The following DDAH1 variants were observed in gnomAD, a reference collection of about 807,000 sequenced individuals.
The protein encoded by DDAH1 is dimethylarginine dimethylaminohydrolase 1.
A neutral mutation model predicts 28.8 loss-of-function variants in DDAH1; 19 were observed. That is an observed-to-expected ratio of 0.66 (90% CI 0.46 to 0.97). The LOEUF (loss-of-function observed/expected upper bound fraction) is 0.97, where lower values mean the gene tolerates loss of function less well. Ranked by LOEUF, DDAH1 falls within the 50% of genes least tolerant of loss-of-function variation. DDAH1 has a pLI of 0.00. For synonymous variants in DDAH1, 153 were observed against 154.4 expected (o/e 0.99, Z 0.07); for missense variants, 326 against 375.9 (o/e 0.87, Z 1.10).
intron 3 of DDAH1, among the ~76,000 whole-genome samples, chr1:85,351,218 T>C (rs189983567): frequency 5.0e-4 from 76 of 152,240 alleles, no homozygotes; most frequent in African/African-American, 1.8e-3. Flanking sequence ...TTTTAAGTTG[T>C]TGATTGTTCC....
intron 1 of DDAH1, among the ~76,000 whole-genome samples, chr1:85,549,518 T>C (rs1399411739): frequency 6.6e-6 from 1 of 152,218 alleles, no homozygotes; most frequent in Non-Finnish European, 1.5e-5. Context: ...GACCATGAAG[T>C]GGACACGGAA....
intron 2 of DDAH1, among the ~76,000 whole-genome samples, chr1:85,481,108 T>TTTTTTTTTTGAGA (rs1656000370): frequency 6.8e-6 from 1 of 148,096 alleles, no homozygotes; most frequent in Non-Finnish European, 1.5e-5. Flanking sequence ...GTTTTTTTTT[T>TTTTTTTTTTGAGA]TTTTTTTGAG....
intron 1 of DDAH1, among the ~76,000 whole-genome samples, chr1:85,402,892 G>A (rs1001734793): frequency 2.3e-5 from 3 of 129,978 alleles, no homozygotes; most frequent in Non-Finnish European, 3.2e-5. Context: ...CTGGGTGACA[G>A]AGCGAGACTC....
chr1:85,343,664 A>C (rs544216213), intron 4 of DDAH1, among the ~76,000 whole-genome samples: 1 of 152,230 alleles, frequency 6.6e-6, no homozygotes, highest in East Asian at 1.9e-4. Flanking sequence ...CAAAGTCTTT[A>C]TTTTTTCCAT....
At chr1:85,390,043 C>G (rs1220250937) in intron 1 of DDAH1, among the ~76,000 whole-genome samples, 2 of 152,078 alleles carry the variant, frequency 1.3e-5, no homozygotes, top group African/African-American at 2.4e-5. Flanking sequence ...GTTTTTATAT[C>G]TGAAGTCAAA....
At chr1:85,481,239 A>G (rs1351474805) in intron 2 of DDAH1, among the ~76,000 whole-genome samples, 1 of 151,822 alleles carries the variant, frequency 6.6e-6, no homozygotes, top group Non-Finnish European at 1.5e-5. Flanking sequence ...CTGAGATGAC[A>G]GGTGTGTGCC....
chr1:85,514,871 C>T (rs1418341333), intron 1 of DDAH1, among the ~76,000 whole-genome samples: 14 of 152,028 alleles, frequency 9.2e-5, no homozygotes, highest in African/African-American at 3.4e-4. Flanking sequence ...CACCTAGAAT[C>T]AGCTATTTCT....
intron 4 of DDAH1, among the ~76,000 whole-genome samples, chr1:85,342,667 T>A (rs571717623): frequency 6.6e-6 from 1 of 152,352 alleles, no homozygotes; most frequent in South Asian, 2.1e-4. Context: ...TTCTTTACTT[T>A]TACTGCTAAT....
Position 85,319,016 on chromosome 1 carries a change from T to C in DDAH1, c.*2436A>G, listed in dbSNP as rs573591650. The C allele has an allele frequency of 1.2e-4, 18 of 152,374 alleles. No individual in the cohort carries two copies. Among genetic ancestry groups the C allele is most frequent in the African/African-American group, 3.8e-4 (16 of 41,600 alleles). The allele number at this position is 152,374 out of a possible 1,614,324, so 9.4% of individuals were successfully genotyped here. A position where few individuals can be genotyped will look rare whatever the true frequency, so the allele number is the denominator to read the frequency against. ...TTAGTTAAATATAATTTCTCCTGTC[T>C]TTTAATGTCAAAAAGCAGTTTCCGT... On this transcript the variant is annotated 3_prime_UTR_variant, in exon 6 of 6. Transcript: ENST00000284031.
At chr1:85,548,369 T>G (rs972264343) in intron 1 of DDAH1, among the ~76,000 whole-genome samples, 12 of 152,204 alleles carry the variant, frequency 7.9e-5, no homozygotes, top group Admixed American at 7.9e-4. Flanking sequence ...TTTACTGGTA[T>G]AAATAATGGA....
At chr1:85,523,222 G>A (rs1230334310) in intron 1 of DDAH1, among the ~76,000 whole-genome samples, 1 of 152,116 alleles carries the variant, frequency 6.6e-6, no homozygotes, top group Non-Finnish European at 1.5e-5. Flanking sequence ...AGTATGAAAC[G>A]GAAAGTGGAA....
chr1:85,405,634 A>T (rs1355247886), intron 1 of DDAH1, among the ~76,000 whole-genome samples: 1 of 7,026 alleles, frequency 1.4e-4, no homozygotes, highest in East Asian at 2.5e-3. Flanking sequence ...AAAGTGCCCT[A>T]AAAAAAAAAG....
intron 2 of DDAH1, chr1:85,494,908 A>G (rs1228269554): frequency 6.6e-6 from 1 of 152,230 alleles, no homozygotes; most frequent in Non-Finnish European, 1.5e-5. Context: ...CACATCATGA[A>G]GGACTTCAAA....
chr1:85,476,961 A>G (rs2100710873), intron 2 of DDAH1, among the ~76,000 whole-genome samples: 1 of 152,314 alleles, frequency 6.6e-6, no homozygotes, highest in African/African-American at 2.4e-5. Context: ...CTATGAATCA[A>G]ACCATCACTA....
chr1:85,482,863 TAATATAA>T lies in DDAH1; in HGVS notation c.-7+13296_-7+13302del, dbSNP rs1656056111. Among the ~76,000 whole-genome samples, 3 of 152,214 alleles carry T rather than the reference TAATATAA, an allele frequency of 2.0e-5. No homozygotes were observed. In the South Asian group the frequency reaches 6.2e-4, roughly 32 times the overall value. On this transcript the variant is annotated intron_variant, in intron 2 of 6. Transcript: ENST00000426972. ...AAAAATCAATAGGAAATGATTTAAC[TAATATAA>T]AATATAAAAATTTCTTAGGATGAGG... is the stretch of plus-strand genomic sequence containing the variant.
intron 1 of DDAH1, chr1:85,380,283 C>A (rs993115150): frequency 3.3e-5 from 5 of 152,138 alleles, no homozygotes; most frequent in African/African-American, 1.2e-4. Flanking sequence ...TCCGGGTAAA[C>A]ACAGTCAAGT....
chr1:85,482,627 A>G (rs1557679467), intron 2 of DDAH1: 2 of 152,340 alleles, frequency 1.3e-5, no homozygotes, highest in South Asian at 4.1e-4. Flanking sequence ...TACATAGTGC[A>G]TGCTTAACAG....
intron 2 of DDAH1, among the ~76,000 whole-genome samples, chr1:85,478,968 G>T (rs1456473074): frequency 6.6e-6 from 1 of 152,060 alleles, no homozygotes; most frequent in Non-Finnish European, 1.5e-5. Context: ...TAGAAATATG[G>T]TGAAACTAAT....
intron 4 of DDAH1, among the ~76,000 whole-genome samples, chr1:85,333,378 A>G (rs1647900427): frequency 6.6e-6 from 1 of 152,234 alleles, no homozygotes; most frequent in Admixed American, 6.5e-5. Flanking sequence ...TGACTGTTAC[A>G]CCAGATGCAC....
Sources: allele counts gnomAD v4.1 joint callset (sites outside exome capture counted in the v4.1 genomes callset), GRCh38; gene constraint gnomAD v4.1.1; transcripts MANE v1.5; gene names NCBI Gene and HGNC (gene_info 2026-07-23, HGNC 2026-07-21).